Variants in BTBD2 observed in about 807,000 individuals in gnomAD.
BTBD2 encodes BTB domain containing 2.
Under a neutral mutation model 44.0 loss-of-function variants are expected in BTBD2, and 15 were observed. That is an observed-to-expected ratio of 0.34 (90% CI 0.23 to 0.53). The LOEUF (loss-of-function observed/expected upper bound fraction) is 0.53, where lower values mean the gene tolerates loss of function less well. BTBD2 is among the 20% of genes least tolerant of loss of function. The probability of loss-of-function intolerance (pLI) is 0.95; values close to 1 mark genes in which losing one functional copy is unlikely to be tolerated. For missense variants in BTBD2, 657 were observed against 746.4 expected (o/e 0.88, Z 1.39); for synonymous variants, 443 against 335.9 (o/e 1.32, Z -3.49).
At chr19:1,988,782 T>C (rs1215211408) in intron 5 of BTBD2, among the ~76,000 whole-genome samples, 2 of 151,602 alleles carry the variant, frequency 1.3e-5, no homozygotes, top group Non-Finnish European at 2.9e-5. Context: ...CTTGTATTTT[T>C]AGTAGAGACG....
At chr19:2,001,639 G>C (rs919779304) in intron 1 of BTBD2, among the ~76,000 whole-genome samples, 8 of 152,190 alleles carry the variant, frequency 5.3e-5, no homozygotes, top group African/African-American at 1.9e-4. Context: ...CTTTATCCAC[G>C]TGCCACGAGG....
rs926743612 is a variant in BTBD2, at chr19:2,003,790, G to T, written c.408-6327C>A. Among the ~76,000 whole-genome samples the T allele has an allele frequency of 1.6e-3, 231 of 146,614 alleles. 1 individual carries two copies. Among genetic ancestry groups the T allele is most frequent in the African/African-American group, 5.8e-3 (229 of 39,294 alleles). ...CCGTCAAAGAAAAAAAAAAAAAAGA[G>T]AAAGAAAAGAAAAGAAAAGAAAAAG... On this transcript the variant is annotated intron_variant, in intron 1 of 8. Transcript: ENST00000255608.
intron 6 of BTBD2, 57 bp downstream of exon 6, chr19:1,987,443 A>G (rs1270958449): frequency 1.9e-6 from 1 of 525,988 alleles, no homozygotes; most frequent in Non-Finnish European, 2.8e-6. Context: ...CATCTCCGTC[A>G]TCCCCGAGTC....
At chr19:2,002,443 A>G (rs888174118) in intron 1 of BTBD2, 2 of 152,136 alleles carry the variant, frequency 1.3e-5, no homozygotes, top group African/African-American at 4.8e-5. Flanking sequence ...GGGACTCCTG[A>G]TTTTAGTCAG....
At position 2,007,783 on chromosome 19, in the gene BTBD2, A is replaced by G. The variant is rs535499964; in HGVS notation, c.407+7514T>C. 7.2e-5 allele frequency among the ~76,000 whole-genome samples: 11 copies of G among 152,274 alleles called. No individual in the cohort carries two copies. The South Asian group carries it at 2.3e-3, about 32-fold the overall frequency. ...CAGAGCTTTGCAGCGAGCCAAGATC[A>G]TGCCACTGCACTTCAGCCTGGGCAA... On this transcript the variant is annotated intron_variant, in intron 1 of 8. Coordinates refer to ENST00000255608, the MANE Select transcript of BTBD2 (RefSeq NM_017797.4).
chr19:1,989,969 C>T (rs1178137875), intron 5 of BTBD2, 35 bp downstream of exon 5: 23 of 1,610,046 alleles, frequency 1.4e-5, no homozygotes, highest in Non-Finnish European at 1.9e-5. Flanking sequence ...TGCCACTCCC[C>T]TCCCAAACCA....
chr19:2,001,793 A>C (rs372900653), intron 1 of BTBD2, among the ~76,000 whole-genome samples: 3 of 152,216 alleles, frequency 2.0e-5, no homozygotes, highest in Non-Finnish European at 4.4e-5. Context: ...GCTGGAGTGC[A>C]GTGGCGCAAT....
At chr19:1,988,389 G>A (rs1227402340) in intron 5 of BTBD2, 1 of 152,364 alleles carries the variant, frequency 6.6e-6, no homozygotes, top group Non-Finnish European at 1.5e-5. Context: ...GCTCTAATGA[G>A]AGCAGCCCTG....
rs2016260914 is a variant in BTBD2 at position 1,997,102 on chromosome 19, C to A, written c.527+242G>T. The stretch of plus-strand genomic sequence containing the variant: ...GGTTGAGGCAGGAAAATCACTTGAA[C>A]CTGGAAGACTGAGGTTGCAGTGAGC... On this transcript the variant is annotated intron_variant, in intron 2 of 8. Transcript: ENST00000255608. Among the ~76,000 whole-genome samples, 2 of 152,064 alleles carry A rather than the reference C, an allele frequency of 1.3e-5. 1 individual carries two copies. The highest frequency in any genetic ancestry group is 4.2e-4 in the South Asian group (2 of 4,812).
intron 1 of BTBD2, among the ~76,000 whole-genome samples, chr19:2,000,093 G>C (rs905781696): frequency 6.6e-6 from 1 of 152,224 alleles, no homozygotes; most frequent in African/African-American, 2.4e-5. Flanking sequence ...TGGGGCAGGA[G>C]GATCCTCCCT....
chr19:1,987,442 C>T, intron 6 of BTBD2, 58 bp downstream of exon 6: 1 of 1,009,772 alleles, frequency 9.9e-7, no homozygotes, highest in East Asian at 3.0e-5. Context: ...CCATCTCCGT[C>T]ATCCCCGAGT....
rs527451270 is a variant in BTBD2, at chr19:2,011,694, C to A, written c.407+3603G>T. Among the ~76,000 whole-genome samples the A allele has an allele frequency of 3.9e-5, 6 of 152,120 alleles. 1 individual carries two copies. Among genetic ancestry groups the A allele is most frequent in the Admixed American group, 2.6e-4 (4 of 15,250 alleles). ...ATTTTTTCAATAAAGGCTGCCCCAACGGTGCCGGCCTCTCCTGCCTCCCCT... is the reference window on the plus strand; with the variant it reads ...ATTTTTTCAATAAAGGCTGCCCCAAAGGTGCCGGCCTCTCCTGCCTCCCCT... On this transcript the variant is annotated intron_variant, in intron 1 of 8. Transcript: ENST00000255608.
intron 1 of BTBD2, among the ~76,000 whole-genome samples, chr19:2,000,778 G>T (rs571628339): frequency 6.6e-6 from 1 of 152,146 alleles, no homozygotes; most frequent in South Asian, 2.1e-4. Context: ...AACTCCGAAC[G>T]GGGGAAACAA....
rs1322917742 is a variant in BTBD2, at chr19:2,007,201, G to A, written c.407+8096C>T. Among the ~76,000 whole-genome samples, 4 of 152,082 alleles carry A rather than the reference G, an allele frequency of 2.6e-5. No homozygotes were observed. The East Asian group carries it at 7.7e-4, about 29-fold the overall frequency. Reference sequence around the variant, plus strand: ...AGACGGAGTATCACCATGTTGGCCAGGCTGGTCTTGAACTCCTGACCTGAG... The same window carrying A: ...AGACGGAGTATCACCATGTTGGCCAAGCTGGTCTTGAACTCCTGACCTGAG... On this transcript the variant is annotated intron_variant, in intron 1 of 8. Transcript: ENST00000255608.
intron 3 of BTBD2, among the ~76,000 whole-genome samples, chr19:1,992,457 C>A (rs2016192731): frequency 6.6e-6 from 1 of 152,030 alleles, no homozygotes; most frequent in South Asian, 2.1e-4. Context: ...CTAGGCTGGT[C>A]TAGAACTCCG....
chr19:2,003,996 GCCATC>G, intron 1 of BTBD2, among the ~76,000 whole-genome samples: 1 of 151,714 alleles, frequency 6.6e-6, no homozygotes, highest in East Asian at 1.9e-4. Flanking sequence ...AGAGAACTCA[GCCATC>G]CCTCCGCTCA....
intron 1 of BTBD2, among the ~76,000 whole-genome samples, chr19:2,012,669 A>G (rs1223337527): frequency 1.3e-5 from 2 of 152,116 alleles, no homozygotes; most frequent in Non-Finnish European, 2.9e-5. Context: ...AGGCCCGCCC[A>G]CCTTACCTTG....
intron 1 of BTBD2, chr19:2,014,466 G>C (rs1331865368): frequency 6.5e-6 from 1 of 153,732 alleles, no homozygotes; most frequent in Non-Finnish European, 1.4e-5. Flanking sequence ...AGGCCAGGTG[G>C]GGTCCAGGGA....
At chr19:2,007,965 G>C (rs2016415813) in intron 1 of BTBD2, among the ~76,000 whole-genome samples, 1 of 152,054 alleles carries the variant, frequency 6.6e-6, no homozygotes, top group Non-Finnish European at 1.5e-5. Context: ...GTGGGTGACT[G>C]ATTCTAGAAG....
Sources: gnomAD v4.1 joint callset for allele counts (sites outside exome capture counted in the v4.1 genomes callset) on GRCh38, gnomAD v4.1.1 for gene constraint, MANE v1.5 for transcripts, NCBI Gene and HGNC (gene_info 2026-07-23, HGNC 2026-07-21) for gene names.